DOCK5: variants seen among roughly 807,000 people sequenced by gnomAD.
DOCK5 encodes the protein dedicator of cytokinesis protein 5.
A neutral mutation model predicts 251.8 loss-of-function variants in DOCK5; 142 were observed. That is an observed-to-expected ratio of 0.56 (90% CI 0.49 to 0.65). The LOEUF (loss-of-function observed/expected upper bound fraction) is 0.65, where lower values mean the gene tolerates loss of function less well. Among genes scored for constraint, DOCK5 ranks in the 30% least tolerant of loss-of-function variants. The pLI, the probability that DOCK5 is intolerant of heterozygous loss-of-function variation, is 0.00. For synonymous variants in DOCK5, 842 were observed against 835.5 expected (o/e 1.01, Z -0.13); for missense variants, 2,111 against 2,312.3 (o/e 0.91, Z 1.79).
At chr8:25,213,505 C>A (rs962574454) in intron 1 of DOCK5, among the ~76,000 whole-genome samples, 1 of 151,792 alleles carries the variant, frequency 6.6e-6, no homozygotes, top group Non-Finnish European at 1.5e-5. Flanking sequence ...AACTGGAGAC[C>A]TGGTGTTTTT....
intron 48 of DOCK5, among the ~76,000 whole-genome samples, chr8:25,406,878 G>A (rs139719540): frequency 0.029 from 4,400 of 151,582 alleles, 242 homozygotes; most frequent in African/African-American, 0.1. Flanking sequence ...CGCCCACCTC[G>A]GCCTCTCAAA....
intron 3 of DOCK5, 37 bp from the exon 4 acceptor site, chr8:25,275,349 T>A (rs1718870313): frequency 1.9e-6 from 3 of 1,561,370 alleles, no homozygotes; most frequent in Non-Finnish European, 2.6e-6. Context: ...TTTGTTTTGT[T>A]TTTATGGCCA....
chr8:25,203,504 A>G (rs1801927706), intron 1 of DOCK5, among the ~76,000 whole-genome samples: 1 of 152,322 alleles, frequency 6.6e-6, no homozygotes, highest in Admixed American at 6.5e-5. Context: ...AATCCGTCTT[A>G]TATTTTCTTT....
chr8:25,282,694 A>G (rs1027529096), intron 5 of DOCK5, among the ~76,000 whole-genome samples: 1 of 151,788 alleles, frequency 6.6e-6, no homozygotes, highest in African/African-American at 2.4e-5. Context: ...CCCTATCTCT[A>G]CAAAAATTAG....
intron 2 of DOCK5, among the ~76,000 whole-genome samples, chr8:25,261,903 G>T (rs763443447): frequency 9.2e-5 from 14 of 152,008 alleles, no homozygotes; most frequent in Non-Finnish European, 1.8e-4. Context: ...ATGGTTTTTG[G>T]GTTCATCCAT....
chr8:25,262,406 A>G (rs895197114), intron 2 of DOCK5, among the ~76,000 whole-genome samples: 15 of 152,132 alleles, frequency 9.9e-5, no homozygotes, highest in Non-Finnish European at 5.9e-5. Context: ...TCAGCCCCCA[A>G]GTTCTCCTGT....
chr8:25,252,099 A>G (rs1803288016), intron 2 of DOCK5, among the ~76,000 whole-genome samples: 1 of 152,118 alleles, frequency 6.6e-6, no homozygotes, highest in African/African-American at 2.4e-5. Flanking sequence ...ATTATGATAC[A>G]GTATGGTATC....
Position 25,308,929 on chromosome 8 carries a change from C to G in DOCK5, c.1192+4C>G, listed in dbSNP as rs112692045. ...GAAGTGAATCACAAAGGGCAAGGTACAGTCCAGTGCCAGAGCTGGGAGGGA... is the reference window on the plus strand; with the variant it reads ...GAAGTGAATCACAAAGGGCAAGGTAGAGTCCAGTGCCAGAGCTGGGAGGGA... On this transcript the variant is annotated splice_donor_region_variant and intron_variant, in intron 12 of 51. Transcript: ENST00000276440. 1.2e-6 allele frequency: 2 copies of G among 1,609,716 alleles called. No homozygotes were observed. Among genetic ancestry groups the G allele is most frequent in the Non-Finnish European group, 1.7e-6 (2 of 1,176,608 alleles).
At chr8:25,328,815 C>T (rs868065081) in intron 18 of DOCK5, among the ~76,000 whole-genome samples, 1 of 152,132 alleles carries the variant, frequency 6.6e-6, no homozygotes, top group Non-Finnish European at 1.5e-5. Flanking sequence ...GTGCAGGTCC[C>T]CAGAGGTGCG....
At chr8:25,198,615 A>G (rs982778243) in intron 1 of DOCK5, among the ~76,000 whole-genome samples, 1 of 152,182 alleles carries the variant, frequency 6.6e-6, no homozygotes, top group African/African-American at 2.4e-5. Context: ...TCAGTTGTCA[A>G]AATCTAACAG....
chr8:25,382,566 T>C lies in DOCK5; in HGVS notation c.4027-108T>C, dbSNP rs1191607977. ...CCCATAGGGTGTTTTCCAAAGACCTTTCATTGCTCTGGGTTACGTGGGAAA... is the reference window on the plus strand; with the variant it reads ...CCCATAGGGTGTTTTCCAAAGACCTCTCATTGCTCTGGGTTACGTGGGAAA... On this transcript the variant is annotated intron_variant, in intron 39 of 51. Transcript: ENST00000276440. 3.4e-6 allele frequency: 3 copies of C among 882,784 alleles called. No individual in the cohort carries two copies. The African/African-American group carries it at 5.2e-5, about 15-fold the overall frequency. 54.7% of individuals were successfully genotyped at this position (882,784 alleles called of 1,614,324 possible). A position where few individuals can be genotyped will look rare whatever the true frequency, so the allele number is the denominator to read the frequency against.
intron 20 of DOCK5, 46 bp downstream of exon 20, chr8:25,332,738 T>A: frequency 7.2e-7 from 1 of 1,392,792 alleles, no homozygotes; most frequent in African/African-American, 1.4e-5. Flanking sequence ...TGCAACTTTG[T>A]AGTTTTCAAT....
intron 1 of DOCK5, among the ~76,000 whole-genome samples, chr8:25,240,455 A>T (rs1057215204): frequency 1.3e-5 from 2 of 152,110 alleles, no homozygotes; most frequent in Non-Finnish European, 1.5e-5. Flanking sequence ...TTTTGTGGTC[A>T]ATCACCATTC....
intron 35 of DOCK5, among the ~76,000 whole-genome samples, chr8:25,373,077 G>A (rs1047799790): frequency 2.0e-5 from 3 of 149,532 alleles, no homozygotes; most frequent in African/African-American, 7.4e-5. Context: ...TCAGCTCACC[G>A]CAACCTCCGC....
chr8:25,231,955 G>A (rs1009122341), intron 1 of DOCK5, among the ~76,000 whole-genome samples: 1 of 152,090 alleles, frequency 6.6e-6, no homozygotes, highest in Non-Finnish European at 1.5e-5. Context: ...GTTGGGTGAT[G>A]TTGATATTGG....
chr8:25,361,448 A>T (rs1050216410), intron 28 of DOCK5, among the ~76,000 whole-genome samples: 1 of 151,990 alleles, frequency 6.6e-6, no homozygotes, highest in Non-Finnish European at 1.5e-5. Flanking sequence ...CATCTCTACT[A>T]AAAATACAAA....
chr8:25,209,048 C>T (rs996199111), intron 1 of DOCK5, among the ~76,000 whole-genome samples: 3 of 152,208 alleles, frequency 2.0e-5, no homozygotes, highest in East Asian at 3.9e-4. Flanking sequence ...AAATTGGAGC[C>T]ATTAGCAGCA....
At chr8:25,349,344 A>C (rs1332325816) in intron 26 of DOCK5, among the ~76,000 whole-genome samples, 1 of 152,210 alleles carries the variant, frequency 6.6e-6, no homozygotes, top group Non-Finnish European at 1.5e-5. Flanking sequence ...GCAAATTATT[A>C]GTATGACAAC....
intron 1 of DOCK5, among the ~76,000 whole-genome samples, chr8:25,239,325 G>GTGTGTGTGTGTGTA (rs1425697116): frequency 5.4e-5 from 7 of 129,766 alleles, no homozygotes; most frequent in African/African-American, 2.1e-4. Flanking sequence ...GTATATGTGT[G>GTGTGTGTGTGTGTA]TGTGTGTGTG....
Sources: allele counts gnomAD v4.1 joint callset (sites outside exome capture counted in the v4.1 genomes callset), GRCh38; gene constraint gnomAD v4.1.1; transcripts MANE v1.5; gene names NCBI Gene and HGNC (gene_info 2026-07-23, HGNC 2026-07-21).